The following HIKESHI variants were observed in gnomAD, a reference collection of about 807,000 sequenced individuals.
HIKESHI encodes protein Hikeshi.
Under a neutral mutation model 25.7 loss-of-function variants are expected in HIKESHI, and 13 were observed. The observed-to-expected ratio is 0.51, with a 90% CI of 0.33 to 0.80. HIKESHI has a LOEUF of 0.80. Ranked by LOEUF, HIKESHI falls within the 30% of genes least tolerant of loss-of-function variation. The probability of loss-of-function intolerance (pLI) is 0.02; values close to 1 mark genes in which losing one functional copy is unlikely to be tolerated. For synonymous variants in HIKESHI, 76 were observed against 78.7 expected (o/e 0.97, Z 0.18); for missense variants, 174 against 229.5 (o/e 0.76, Z 1.56).
At chr11:86,328,207 G>A (rs900192377) in intron 2 of HIKESHI, among the ~76,000 whole-genome samples, 2 of 152,012 alleles carry the variant, frequency 1.3e-5, no homozygotes, top group Non-Finnish European at 2.9e-5. Flanking sequence ...TATTCTAAGT[G>A]TAATATTTTC....
At position 86,325,426 on chromosome 11, in the gene HIKESHI, A is replaced by G. The variant is rs539895868; in HGVS notation, c.269-11953A>G. Among the ~76,000 whole-genome samples, 12 of 152,272 alleles carry G rather than the reference A, an allele frequency of 7.9e-5. No individual in the cohort carries two copies. In the South Asian group the frequency reaches 1.5e-3, roughly 18 times the overall value. On this transcript the variant is annotated intron_variant, in intron 2 of 4. Transcript: ENST00000278483. ...TGTAAAGGAGTTATGTGATAAATAC[A>G]TTTTACCCCGTTGCTGGAACAATCT...
In HIKESHI at chr11:86,327,656, T is replaced by G. The variant is rs551928628; in HGVS notation, c.269-9723T>G. 5.3e-5 allele frequency among the ~76,000 whole-genome samples: 8 copies of G among 152,234 alleles called. No individual in the cohort carries two copies. The South Asian group carries it at 1.7e-3, about 32-fold the overall frequency. On this transcript the variant is annotated intron_variant, in intron 2 of 4. Transcript: ENST00000278483. ...GACACTGAATTTCAGGGAAGTTAAT[T>G]TTTTTGCTCAGACAGTCTGCTAACT...
rs71040230 is a variant in HIKESHI, at chr11:86,318,303, CAAA to C, written c.268+11839_268+11841del. On this transcript the variant is annotated intron_variant, in intron 2 of 4. Transcript: ENST00000278483. Reference sequence around the variant, plus strand: ...TGGGCGACAGAGCAAGACTCCGTCTCAAAAAAAAAAAAAAAAAAAATCCTGAAT... The same window carrying C: ...TGGGCGACAGAGCAAGACTCCGTCTCAAAAAAAAAAAAAAAAATCCTGAAT... Among the ~76,000 whole-genome samples, 37 of 35,678 alleles carry C rather than the reference CAAA, an allele frequency of 1.0e-3. 2 individuals carry two copies. Among genetic ancestry groups the C allele is most frequent in the Non-Finnish European group, 1.6e-3 (30 of 19,104 alleles). 23.4% of individuals were successfully genotyped at this position (35,678 alleles called of 152,430 possible).
intron 2 of HIKESHI, among the ~76,000 whole-genome samples, chr11:86,308,140 A>C (rs573214267): frequency 2.2e-3 from 284 of 130,840 alleles, no homozygotes; most frequent in African/African-American, 8.2e-3. Flanking sequence ...TTACATGTAA[A>C]ATATATATTG....
At chr11:86,324,708 G>A (rs1947231610) in intron 2 of HIKESHI, among the ~76,000 whole-genome samples, 1 of 152,118 alleles carries the variant, frequency 6.6e-6, no homozygotes, top group South Asian at 2.1e-4. Context: ...AAGCTTGTGG[G>A]TTTAAGTTTG....
At chr11:86,342,267 CT>C (rs1332353472) in intron 3 of HIKESHI, among the ~76,000 whole-genome samples, 1 of 152,136 alleles carries the variant, frequency 6.6e-6, no homozygotes, top group African/African-American at 2.4e-5. Context: ...TTTATGTGTT[CT>C]GGATAATAAT....
chr11:86,310,611 G>T (rs919878854), intron 2 of HIKESHI, among the ~76,000 whole-genome samples: 5 of 152,100 alleles, frequency 3.3e-5, no homozygotes, highest in African/African-American at 9.7e-5. Context: ...TGAATAGGAG[G>T]GGTGAGAGAG....
intron 3 of HIKESHI, among the ~76,000 whole-genome samples, chr11:86,340,902 C>T (rs1947707518): frequency 1.3e-5 from 2 of 152,174 alleles, no homozygotes; most frequent in Admixed American, 1.3e-4. Flanking sequence ...TTTGGCCTCC[C>T]AAAGTGTTGG....
intron 2 of HIKESHI, among the ~76,000 whole-genome samples, chr11:86,330,522 G>C (rs1324755318): frequency 6.6e-6 from 1 of 152,128 alleles, no homozygotes; most frequent in Non-Finnish European, 1.5e-5. Context: ...ACATCCTTCA[G>C]AGTTGAATAA....
At chr11:86,326,568 ATATT>A in intron 2 of HIKESHI, 2 of 456,192 alleles carry the variant, frequency 4.4e-6, no homozygotes, top group Non-Finnish European at 8.8e-6. Context: ...GTGTGTGTGA[ATATT>A]AAATATCACA....
chr11:86,328,353 G>T (rs1399779132), intron 2 of HIKESHI, among the ~76,000 whole-genome samples: 4 of 151,716 alleles, frequency 2.6e-5, no homozygotes, highest in Non-Finnish European at 5.9e-5. Flanking sequence ...CCGCCTCCCG[G>T]GTTCAAGTGA....
chr11:86,316,497 G>T (rs1477328081), intron 2 of HIKESHI, among the ~76,000 whole-genome samples: 1 of 152,032 alleles, frequency 6.6e-6, no homozygotes, highest in Non-Finnish European at 1.5e-5. Flanking sequence ...GGGCGACAGA[G>T]TGAGACTCCA....
chr11:86,306,951 G>A lies in HIKESHI; in HGVS notation c.268+469G>A, dbSNP rs564350393. Among the ~76,000 whole-genome samples the A allele has an allele frequency of 1.9e-3, 277 of 149,724 alleles. 1 individual carries two copies. Among genetic ancestry groups the A allele is most frequent in the African/African-American group, 6.6e-3 (271 of 40,882 alleles). On this transcript the variant is annotated intron_variant, in intron 2 of 4. Transcript: ENST00000278483. ...TGAGGTGGAGCTTGCAGTGAGCCAA[G>A]ATCCCACCACTGCACTCCAGCCTGG...
intron 2 of HIKESHI, among the ~76,000 whole-genome samples, chr11:86,318,917 TTTTG>T (rs1275752311): frequency 5.9e-5 from 9 of 152,250 alleles, no homozygotes; most frequent in East Asian, 1.9e-4. Context: ...AAAGATAATT[TTTTG>T]TTTGTTTGTT....
At chr11:86,307,004 A>C (rs1946643464) in intron 2 of HIKESHI, among the ~76,000 whole-genome samples, 1 of 111,322 alleles carries the variant, frequency 9.0e-6, no homozygotes, top group Admixed American at 9.3e-5. Context: ...TGTCTCAAAG[A>C]AAAAAAAAAT....
At chr11:86,320,795 T>C (rs1003234004) in intron 2 of HIKESHI, among the ~76,000 whole-genome samples, 13 of 152,242 alleles carry the variant, frequency 8.5e-5, no homozygotes, top group Admixed American at 7.9e-4. Flanking sequence ...TATGTCACTA[T>C]AAAATAGTTT....
At chr11:86,325,873 GAAA>G (rs35520236) in intron 2 of HIKESHI, among the ~76,000 whole-genome samples, 1 of 146,824 alleles carries the variant, frequency 6.8e-6, no homozygotes, top group African/African-American at 2.5e-5. Context: ...CTCCGTCTCA[GAAA>G]AAAAAAAAAG....
At chr11:86,302,504 G>C (rs1351037449) in intron 1 of HIKESHI, 26 bp downstream of exon 1, 1 of 1,556,122 alleles carries the variant, frequency 6.4e-7, no homozygotes, top group Admixed American at 1.9e-5. Context: ...GGTGATATCA[G>C]GAAGGGGTCA....
chr11:86,314,587 C>T (rs955818577), intron 2 of HIKESHI, among the ~76,000 whole-genome samples: 4 of 151,926 alleles, frequency 2.6e-5, no homozygotes, highest in African/African-American at 9.7e-5. Context: ...TGCTATTGCA[C>T]TCCAGCCTGG....
Sources: allele counts gnomAD v4.1 joint callset (sites outside exome capture counted in the v4.1 genomes callset), GRCh38; gene constraint gnomAD v4.1.1; transcripts MANE v1.5; gene names NCBI Gene and HGNC (gene_info 2026-07-23, HGNC 2026-07-21).